Variants in FADS2 observed in about 807,000 individuals in gnomAD.
FADS2 encodes the protein fatty acid desaturase 2.
A neutral mutation model predicts 61.2 loss-of-function variants in FADS2; 18 were observed. The ratio of observed to expected loss-of-function variants is 0.29; its 90% CI spans 0.20 to 0.44. The LOEUF is 0.44. FADS2 is among the 20% of genes least tolerant of loss of function. The pLI is 1.00. For missense variants in FADS2, 322 were observed against 572.7 expected (o/e 0.56, Z 4.47); for synonymous variants, 203 against 223.9 (o/e 0.91, Z 0.83).
rs1249305984 is a variant in FADS2 at position 61,863,319 on chromosome 11, A to C, written c.1018A>C (p.Met340Leu). ...CCACTGGTTTGTGTGGGTCACACAG[A>C]TGAATCACATCGTCATGGAGATTGA... ...ESHWFVWVTQ[M>L]NHIVMEIDQE... The change falls in exon 9 of 12, where the codon ATG becomes CTG. Residue 340 changes from methionine (M) to leucine (L), a missense_variant. By Grantham distance (15) the Met-to-Leu change is conservative. Transcript: ENST00000278840. 1 of 1,614,064 alleles carries C rather than the reference A, an allele frequency of 6.2e-7. No homozygotes were observed. Among genetic ancestry groups the C allele is most frequent in the South Asian group, 1.1e-5 (1 of 91,072 alleles).
At chr11:61,846,913 CA>C (rs1407808427) in intron 4 of FADS2, 1 of 151,952 alleles carries the variant, frequency 6.6e-6, no homozygotes, top group Non-Finnish European at 1.5e-5. Context: ...CATAGCAGCA[CA>C]ACTGCGCTCT....
chr11:61,819,401 C>G (rs1353697516), intron 1 of FADS2, among the ~76,000 whole-genome samples: 1 of 152,116 alleles, frequency 6.6e-6, no homozygotes, highest in Non-Finnish European at 1.5e-5. Context: ...AAGAAATCGG[C>G]TGGGCGTGGC....
At chr11:61,862,691 C>A in intron 7 of FADS2, 1 of 452,980 alleles carries the variant, frequency 2.2e-6, no homozygotes, top group Non-Finnish European at 4.0e-6. Context: ...TGACCCCCAC[C>A]CCTACCCCAT....
intron 1 of FADS2, among the ~76,000 whole-genome samples, chr11:61,817,592 G>A (rs1211089922): frequency 6.6e-6 from 1 of 152,042 alleles, no homozygotes; most frequent in Non-Finnish European, 1.5e-5. Flanking sequence ...TGATCCTAGC[G>A]TCTCCTGACC....
chr11:61,863,570 G>A, intron 9 of FADS2, 137 bp from the exon 10 acceptor site: 1 of 788,596 alleles, frequency 1.3e-6, no homozygotes, highest in Non-Finnish European at 2.1e-6. Context: ...GCATCTGGGT[G>A]GGCTGAGGCC....
At chr11:61,832,405 G>A (rs1210703862) in intron 1 of FADS2, among the ~76,000 whole-genome samples, 2 of 152,188 alleles carry the variant, frequency 1.3e-5, no homozygotes, top group African/African-American at 4.8e-5. Context: ...CTGAGATCTG[G>A]GTGGGAGCTG....
intron 7 of FADS2, among the ~76,000 whole-genome samples, chr11:61,861,368 A>AAAAAAAAAAC (rs2067414956): frequency 6.8e-6 from 1 of 147,106 alleles, no homozygotes; most frequent in African/African-American, 2.5e-5. Context: ...AAAAAAAAAA[A>AAAAAAAAAAC]AAACAGAAAT....
Position 61,816,381 on chromosome 11 carries a change from G to C in FADS2, c.96G>C (p.Pro32=), listed in dbSNP as rs1204231233. The C allele has an allele frequency of 1.3e-6, 2 of 1,598,298 alleles. No homozygotes were observed. Among genetic ancestry groups the C allele is most frequent in the Non-Finnish European group, 1.7e-6 (2 of 1,179,806 alleles). ...CTCCACTTCTCCAGGCCTCTCTCCC[G>C]CCTTTTCATCCCGCATCCGCAGGAC... The change falls in exon 1 of 12, where the codon CCG becomes CCC. Residue 32 remains proline, a synonymous_variant. Transcript: ENST00000257261. The surrounding 1 kb of genome is among the most constrained non-coding windows in gnomAD (Gnocchi z 7.0).
At chr11:61,819,350 C>A (rs1020212334) in intron 1 of FADS2, among the ~76,000 whole-genome samples, 1 of 152,024 alleles carries the variant, frequency 6.6e-6, no homozygotes, top group Non-Finnish European at 1.5e-5. Context: ...TCGAGGCAGG[C>A]GGATTGCCTG....
chr11:61,819,235 C>T (rs144763264), intron 1 of FADS2, among the ~76,000 whole-genome samples: 1 of 152,188 alleles, frequency 6.6e-6, no homozygotes, highest in African/African-American at 2.4e-5. Flanking sequence ...AAAAATGTTC[C>T]CAATAATTCC....
rs1391030442 is a variant in FADS2 at position 61,840,639 on chromosome 11, C to T, written c.532C>T (p.Leu178=). The change falls in exon 4 of 12, where the codon CTG becomes TTG. Residue 178 remains leucine, a synonymous_variant. Transcript: ENST00000278840. ...LATSQAQAGW[L]QHDYGHLSVY... ...CTCTCCCCAGGCCCAAGCTGGATGG[C>T]TGCAACATGATTATGGCCACCTGTC... The T allele has an allele frequency of 6.2e-7, 1 of 1,614,160 alleles. No individual in the cohort carries two copies. The highest frequency in any genetic ancestry group is 1.3e-5 in the African/African-American group (1 of 75,052).
At chr11:61,852,980 A>G (rs1318007968) in intron 5 of FADS2, among the ~76,000 whole-genome samples, 1 of 152,014 alleles carries the variant, frequency 6.6e-6, no homozygotes, top group East Asian at 1.9e-4. Flanking sequence ...CAATGAAACC[A>G]CCGTCTCTAC....
chr11:61,853,849 C>G (rs1273585464), intron 5 of FADS2, among the ~76,000 whole-genome samples: 1 of 152,182 alleles, frequency 6.6e-6, no homozygotes, highest in African/African-American at 2.4e-5. Context: ...TCCCCTCCCC[C>G]AACCCTCGAT....
At chr11:61,848,099 C>A in intron 4 of FADS2, 60 bp from the exon 5 acceptor site, 1 of 1,611,480 alleles carries the variant, frequency 6.2e-7, no homozygotes, top group Non-Finnish European at 8.5e-7. Flanking sequence ...GGGCCTGTTA[C>A]AAGCGAGCTC....
intron 7 of FADS2, 108 bp downstream of exon 7, chr11:61,857,638 C>A: frequency 1.1e-6 from 1 of 879,824 alleles, no homozygotes; most frequent in Non-Finnish European, 1.9e-6. Flanking sequence ...GCCTGTGGGG[C>A]CCCAGGCATC....
At chr11:61,826,118 A>C, upstream of FADS2, 1 of 702,526 alleles carries the variant, frequency 1.4e-6, no homozygotes, top group Non-Finnish European at 2.6e-6. Flanking sequence ...TGCTTTACGG[A>C]TGTCCAAGCC....
At chr11:61,858,563 T>C (rs888097145) in intron 7 of FADS2, among the ~76,000 whole-genome samples, 1 of 152,088 alleles carries the variant, frequency 6.6e-6, no homozygotes, top group African/African-American at 2.4e-5. Context: ...ATTGGTCATA[T>C]TGCATTAGGG....
upstream of FADS2, among the ~76,000 whole-genome samples, chr11:61,823,799 G>A (rs569213336): frequency 1.1e-3 from 165 of 152,304 alleles, no homozygotes; most frequent in Non-Finnish European, 1.8e-3. Context: ...TTACAGGTGT[G>A]AGCCACCACG....
chr11:61,834,963 T>C (rs2067159081), intron 1 of FADS2, among the ~76,000 whole-genome samples: 1 of 148,206 alleles, frequency 6.7e-6, no homozygotes, highest in Non-Finnish European at 1.5e-5. Context: ...GCCCGCACCC[T>C]GGGCCTCCTC....
Sources: gnomAD v4.1 joint callset for allele counts (sites outside exome capture counted in the v4.1 genomes callset) on GRCh38, gnomAD v4.1.1 for gene constraint, Gnocchi (gnomAD v3.1) non-coding constraint, MANE v1.5 for transcripts, NCBI Gene and HGNC (gene_info 2026-07-23, HGNC 2026-07-21) for gene names.